SMYD3: variants seen among roughly 807,000 people sequenced by gnomAD.
The protein encoded by SMYD3 is histone-lysine N-methyltransferase SMYD3.
In SMYD3, 36 loss-of-function variants were observed where a neutral mutation model predicts 57.7. The observed-to-expected ratio is 0.62, with a 90% CI of 0.48 to 0.82. SMYD3 has a LOEUF of 0.82. SMYD3 is among the 40% of genes least tolerant of loss of function. The pLI is 0.00. For synonymous variants in SMYD3, 211 were observed against 195.0 expected (o/e 1.08, Z -0.68); for missense variants, 515 against 538.8 (o/e 0.96, Z 0.44).
chr1:246,224,161 T>C (rs2063295729), intron 5 of SMYD3, among the ~76,000 whole-genome samples: 1 of 152,010 alleles, frequency 6.6e-6, no homozygotes, highest in South Asian at 2.1e-4. Context: ...GATGAACAGA[T>C]AAACAAGTAA....
At chr1:246,148,838 G>C (rs2061897847) in intron 5 of SMYD3, among the ~76,000 whole-genome samples, 1 of 152,196 alleles carries the variant, frequency 6.6e-6, no homozygotes, top group African/African-American at 2.4e-5. Flanking sequence ...AGAAGACAAT[G>C]CATCTGTTGC....
At chr1:246,048,513 G>A (rs1289831191) in intron 5 of SMYD3, among the ~76,000 whole-genome samples, 1 of 152,096 alleles carries the variant, frequency 6.6e-6, no homozygotes, top group Non-Finnish European at 1.5e-5. Flanking sequence ...TCACATTACA[G>A]CCATTTCTAC....
chr1:246,104,989 G>A (rs1023195593), intron 5 of SMYD3, among the ~76,000 whole-genome samples: 3 of 152,118 alleles, frequency 2.0e-5, no homozygotes, highest in Admixed American at 2.0e-4. Flanking sequence ...ACACAGCATC[G>A]GCAAGTGGGA....
At chr1:246,297,163 A>G (rs1572350340) in intron 5 of SMYD3, among the ~76,000 whole-genome samples, 2 of 152,204 alleles carry the variant, frequency 1.3e-5, no homozygotes, top group East Asian at 3.8e-4. Context: ...TTAGAAAAAC[A>G]ATGTGAAAAA....
At chr1:245,854,809 G>A (rs1271101793) in intron 10 of SMYD3, among the ~76,000 whole-genome samples, 1 of 152,198 alleles carries the variant, frequency 6.6e-6, no homozygotes. Context: ...GAAGGGAAGA[G>A]AGTTGAGAGT....
At chr1:245,822,497 T>C (rs1558387789) in intron 10 of SMYD3, among the ~76,000 whole-genome samples, 1 of 150,532 alleles carries the variant, frequency 6.6e-6, no homozygotes, top group Non-Finnish European at 1.5e-5. Flanking sequence ...TGTATACATA[T>C]GTAACTAACC....
At chr1:245,949,825 A>ACCCC (rs376505931) in intron 5 of SMYD3, among the ~76,000 whole-genome samples, 3 of 93,300 alleles carry the variant, frequency 3.2e-5, no homozygotes, top group Admixed American at 1.1e-4. Context: ...AAAGAAACCC[A>ACCCC]CCCCCCCCAC....
chr1:246,425,792 T>A (rs1466005804), intron 1 of SMYD3, among the ~76,000 whole-genome samples: 2 of 152,206 alleles, frequency 1.3e-5, no homozygotes, highest in Non-Finnish European at 2.9e-5. Context: ...AAATCCTTGA[T>A]TACTTTAATG....
chr1:245,904,781 C>T (rs1049444315), intron 8 of SMYD3, among the ~76,000 whole-genome samples: 3 of 151,856 alleles, frequency 2.0e-5, no homozygotes, highest in Non-Finnish European at 4.4e-5. Flanking sequence ...AGAGTGCTGG[C>T]GTCACCCCTC....
At chr1:245,770,452 C>T (rs1333551957) in intron 10 of SMYD3, among the ~76,000 whole-genome samples, 4 of 152,174 alleles carry the variant, frequency 2.6e-5, no homozygotes, top group Non-Finnish European at 4.4e-5. Flanking sequence ...ATAAAGCAGC[C>T]ATTACAAAGA....
chr1:245,923,539 G>C (rs1342514209), intron 7 of SMYD3, among the ~76,000 whole-genome samples: 1 of 152,136 alleles, frequency 6.6e-6, no homozygotes, highest in African/African-American at 2.4e-5. Context: ...CTATTGATGA[G>C]AACTGCTTCC....
chr1:245,761,152 G>A (rs144481175), intron 11 of SMYD3, among the ~76,000 whole-genome samples: 1 of 152,266 alleles, frequency 6.6e-6, no homozygotes, highest in East Asian at 1.9e-4. Context: ...GCAAGTTTGG[G>A]TAAGGCCACC....
At chr1:246,098,556 TATTTC>T (rs1218113772) in intron 5 of SMYD3, among the ~76,000 whole-genome samples, 7 of 152,230 alleles carry the variant, frequency 4.6e-5, no homozygotes, top group Non-Finnish European at 7.3e-5. Flanking sequence ...TGGAATATTT[TATTTC>T]ATTTACAAAA....
intron 7 of SMYD3, among the ~76,000 whole-genome samples, chr1:245,920,079 C>A (rs550469130): frequency 3.9e-5 from 6 of 152,108 alleles, no homozygotes; most frequent in Non-Finnish European, 8.8e-5. Context: ...TTTGGGAGGC[C>A]AAGGCGGTAG....
Position 246,348,075 on chromosome 1 carries a change from T to TACACAC in SMYD3, c.228+6955_228+6956insGTGTGT, listed in dbSNP as rs1558415922. On this transcript the variant is annotated intron_variant, in intron 2 of 11. Coordinates refer to ENST00000490107, the MANE Select transcript of SMYD3 (RefSeq NM_001167740.2). ...AAAGAAAACGTTATATATATATATATATACACACACACCATCAAATACTAT... is the reference window on the plus strand; with the variant it reads ...AAAGAAAACGTTATATATATATATATACACACATACACACACACCATCAAATACTAT... Among the ~76,000 whole-genome samples the TACACAC allele has an allele frequency of 5.6e-4, 51 of 91,268 alleles. 6 individuals carry two copies. The highest frequency in any genetic ancestry group is 2.0e-3 in the African/African-American group (51 of 25,554). 59.9% of individuals were successfully genotyped at this position (91,268 alleles called of 152,430 possible). A position where few individuals can be genotyped will look rare whatever the true frequency, so the allele number is the denominator to read the frequency against.
chr1:246,047,835 T>C (rs1161912982), intron 5 of SMYD3, among the ~76,000 whole-genome samples: 1 of 112,260 alleles, frequency 8.9e-6, no homozygotes, highest in Non-Finnish European at 1.6e-5. Flanking sequence ...TGAGACCCTG[T>C]AGCAGAAGGA....
At chr1:245,835,895 T>TTGTTAGC (rs1439095156) in intron 10 of SMYD3, among the ~76,000 whole-genome samples, 5 of 152,208 alleles carry the variant, frequency 3.3e-5, no homozygotes, top group African/African-American at 4.8e-5. Flanking sequence ...TCGACGTGAC[T>TTGTTAGC]TGTTAGCGTT....
At chr1:246,079,155 C>T (rs775413129) in intron 5 of SMYD3, among the ~76,000 whole-genome samples, 5 of 152,138 alleles carry the variant, frequency 3.3e-5, no homozygotes, top group South Asian at 2.1e-4. Flanking sequence ...GAGTACACCA[C>T]GCATTTTGGA....
chr1:245,807,234 T>C (rs936886403), intron 10 of SMYD3, among the ~76,000 whole-genome samples: 18 of 152,072 alleles, frequency 1.2e-4, no homozygotes, highest in African/African-American at 4.1e-4. Flanking sequence ...ACAGAGACCA[T>C]GCTGCTGACC....
Sources: allele counts gnomAD v4.1 joint callset (sites outside exome capture counted in the v4.1 genomes callset), GRCh38; gene constraint gnomAD v4.1.1; transcripts MANE v1.5; gene names NCBI Gene and HGNC (gene_info 2026-07-23, HGNC 2026-07-21).